The following XRCC5 variants were observed in gnomAD, a reference collection of about 807,000 sequenced individuals.
The protein encoded by XRCC5 is X-ray repair cross complementing 5.
A neutral mutation model predicts 95.7 loss-of-function variants in XRCC5; 12 were observed. That is an observed-to-expected ratio of 0.13 (90% CI 0.08 to 0.20). The LOEUF (loss-of-function observed/expected upper bound fraction) is 0.20, where lower values mean the gene tolerates loss of function less well. Among genes scored for constraint, XRCC5 ranks in the 10% least tolerant of loss-of-function variants. The probability of loss-of-function intolerance (pLI) is 1.00; values close to 1 mark genes in which losing one functional copy is unlikely to be tolerated. For synonymous variants in XRCC5, 281 were observed against 290.3 expected (o/e 0.97, Z 0.33); for missense variants, 595 against 873.9 (o/e 0.68, Z 4.02).
intron 19 of XRCC5, among the ~76,000 whole-genome samples, chr2:216,195,251 G>A (rs531214583): frequency 2.0e-5 from 3 of 152,226 alleles, no homozygotes; most frequent in Admixed American, 6.5e-5. Context: ...CCCATAGTGC[G>A]CAAACTTAGC....
Position 216,205,417 on chromosome 2 carries a change from C to CACAACCAGAAA in XRCC5, c.*216_*217insCAACCAGAAAA. The CACAACCAGAAA allele has an allele frequency of 1.8e-6, 1 of 559,930 alleles. No individual in the cohort carries two copies. Among genetic ancestry groups the CACAACCAGAAA allele is most frequent in the Non-Finnish European group, 3.2e-6 (1 of 314,864 alleles). The allele number at this position is 559,930 out of a possible 1,614,324, so 34.7% of individuals were successfully genotyped here. A position where few individuals can be genotyped will look rare whatever the true frequency, so the allele number is the denominator to read the frequency against. On this transcript the variant is annotated 3_prime_UTR_variant, in exon 21 of 21. Transcript: ENST00000392132. ...GACCCCATACAAGTTTATAAAGAGT[C>CACAACCAGAAA]ATTGTTATTTTCTGGTTGGTGTATT...
chr2:216,143,547 C>T (rs375750435), intron 13 of XRCC5, among the ~76,000 whole-genome samples: 9 of 152,064 alleles, frequency 5.9e-5, no homozygotes, highest in Non-Finnish European at 4.4e-5. Context: ...GCTGCAAGCA[C>T]GGGCTTTGAT....
intron 16 of XRCC5, among the ~76,000 whole-genome samples, chr2:216,186,120 A>G (rs1689487517): frequency 6.6e-6 from 1 of 152,206 alleles, no homozygotes; most frequent in African/African-American, 2.4e-5. Flanking sequence ...TGTGTGACAG[A>G]TGAGGGAACC....
chr2:216,152,430 G>A (rs1319657079), intron 14 of XRCC5, among the ~76,000 whole-genome samples: 1 of 150,646 alleles, frequency 6.6e-6, no homozygotes, highest in East Asian at 1.9e-4. Flanking sequence ...AACAGAGTGA[G>A]ACTGTCTTAA....
chr2:216,163,009 A>G (rs980244716), intron 16 of XRCC5, among the ~76,000 whole-genome samples: 9 of 152,202 alleles, frequency 5.9e-5, no homozygotes, highest in African/African-American at 1.7e-4. Flanking sequence ...TATATAAACT[A>G]TTATATTCAT....
intron 16 of XRCC5, among the ~76,000 whole-genome samples, chr2:216,183,507 GAAT>G (rs891030764): frequency 1.3e-5 from 2 of 152,146 alleles, no homozygotes; most frequent in African/African-American, 4.8e-5. Context: ...TTATTGGTAA[GAAT>G]AATAATAATA....
chr2:216,184,893 T>A (rs1689466406), intron 16 of XRCC5, among the ~76,000 whole-genome samples: 1 of 152,198 alleles, frequency 6.6e-6, no homozygotes, highest in Admixed American at 6.5e-5. Context: ...TCCCTTCTTC[T>A]GTATGCCCTG....
intron 1 of XRCC5, among the ~76,000 whole-genome samples, chr2:216,112,536 G>A (rs1239394576): frequency 2.0e-5 from 3 of 152,202 alleles, no homozygotes; most frequent in African/African-American, 7.2e-5. Flanking sequence ...ATACCTCTTA[G>A]CATATATATA....
intron 12 of XRCC5, among the ~76,000 whole-genome samples, chr2:216,138,749 C>G (rs1417418920): frequency 6.6e-6 from 1 of 152,056 alleles, no homozygotes; most frequent in Non-Finnish European, 1.5e-5. Flanking sequence ...GTCCAGTCTT[C>G]CAGAGAGCCT....
Position 216,127,681 on chromosome 2 carries a change from CAGTA to C in XRCC5, c.937+10_937+13del. 1 of 1,589,740 alleles carries C rather than the reference CAGTA, an allele frequency of 6.3e-7. No individual in the cohort carries two copies. Among genetic ancestry groups the C allele is most frequent in the South Asian group, 1.2e-5 (1 of 86,266 alleles). On this transcript the variant is annotated splice_region_variant and intron_variant, in intron 8 of 20. Transcript: ENST00000392132. ...AAAGAGGATATTATTCAAGGTATGT[CAGTA>C]AGAGTTTTCACTGTTGCCTAAAAGA...
intron 19 of XRCC5, among the ~76,000 whole-genome samples, chr2:216,202,328 A>G (rs1574438402): frequency 6.6e-6 from 1 of 152,352 alleles, no homozygotes. Context: ...GTTAATGACA[A>G]TGAGTAGGAG....
rs1162088438 is a variant in XRCC5 at position 216,148,107 on chromosome 2, C to A, written c.1501C>A (p.Pro501Thr). The A allele has an allele frequency of 3.1e-6, 5 of 1,613,614 alleles. No individual in the cohort carries two copies. Among genetic ancestry groups the A allele is most frequent in the Non-Finnish European group, 4.2e-6 (5 of 1,179,910 alleles). ...FQCLLHRALH[P>T]REPLPPIQQH... ...GTGTCTGCTGCACAGAGCTTTACATCCCCGGGAGCCTCTACCCCCAATTCA... is the reference window on the plus strand; with the variant it reads ...GTGTCTGCTGCACAGAGCTTTACATACCCGGGAGCCTCTACCCCCAATTCA... The change falls in exon 14 of 21, where the codon CCC (proline) becomes ACC (threonine). Residue 501 changes from proline (P) to threonine (T), a missense_variant. Physicochemically the swap from Pro to Thr is conservative, Grantham distance 38. Transcript: ENST00000392132.
intron 10 of XRCC5, among the ~76,000 whole-genome samples, chr2:216,134,520 C>T (rs531681624): frequency 1.1e-4 from 16 of 151,600 alleles, no homozygotes; most frequent in Admixed American, 5.3e-4. Flanking sequence ...CCCTGCCTCC[C>T]GGGTTCAAGT....
chr2:216,202,372 C>G (rs1689848563), intron 19 of XRCC5, among the ~76,000 whole-genome samples: 1 of 152,088 alleles, frequency 6.6e-6, no homozygotes, highest in Non-Finnish European at 1.5e-5. Flanking sequence ...ATGATAATAA[C>G]CCGGAAAACC....
intron 16 of XRCC5, among the ~76,000 whole-genome samples, chr2:216,165,623 G>A (rs1459771373): frequency 1.3e-5 from 2 of 152,166 alleles, no homozygotes; most frequent in Admixed American, 6.6e-5. Flanking sequence ...GGCCCAAAGA[G>A]TTCTCCCTCC....
chr2:216,187,983 C>T (rs1236804006), intron 16 of XRCC5, among the ~76,000 whole-genome samples: 1 of 151,816 alleles, frequency 6.6e-6, no homozygotes, highest in Non-Finnish European at 1.5e-5. Context: ...TTCTAAGGAG[C>T]CACGCTGTAC....
intron 5 of XRCC5, among the ~76,000 whole-genome samples, chr2:216,121,209 T>G (rs1427898840): frequency 4.6e-5 from 7 of 152,342 alleles, no homozygotes; most frequent in African/African-American, 1.7e-4. Flanking sequence ...ATGCAAACCC[T>G]GTGTCTCACA....
chr2:216,188,346 T>G (rs918327557), intron 16 of XRCC5, among the ~76,000 whole-genome samples: 3 of 152,232 alleles, frequency 2.0e-5, no homozygotes. Flanking sequence ...TGTATATGCA[T>G]TATATTCCCT....
chr2:216,202,453 A>G (rs1689850992), intron 19 of XRCC5, among the ~76,000 whole-genome samples: 1 of 152,252 alleles, frequency 6.6e-6, no homozygotes, highest in Non-Finnish European at 1.5e-5. Context: ...ATCATATGCT[A>G]GTAAATGTAT....
Sources: allele counts gnomAD v4.1 joint callset (sites outside exome capture counted in the v4.1 genomes callset), GRCh38; gene constraint gnomAD v4.1.1; transcripts MANE v1.5; gene names NCBI Gene and HGNC (gene_info 2026-07-23, HGNC 2026-07-21).